BCKDHB: variants seen among roughly 807,000 people sequenced by gnomAD.
BCKDHB encodes 2-oxoisovalerate dehydrogenase subunit beta, mitochondrial.
A neutral mutation model predicts 48.5 loss-of-function variants in BCKDHB; 41 were observed. The observed-to-expected ratio is 0.85, with a 90% CI of 0.66 to 1.10. The LOEUF (loss-of-function observed/expected upper bound fraction) is 1.10. BCKDHB is among the 50% of genes least tolerant of loss of function. BCKDHB has a pLI of 0.00. For missense variants in BCKDHB, 496 were observed against 494.2 expected (o/e 1.00, Z -0.03); for synonymous variants, 201 against 174.8 (o/e 1.15, Z -1.18).
the BCKDHB span, among the ~76,000 whole-genome samples, chr6:80,407,092 G>A: frequency 3.3e-5 from 5 of 152,044 alleles, no homozygotes; most frequent in Non-Finnish European, 7.4e-5. Context: ...AGTTTTCCCA[G>A]TACCATTTAT....
chr6:80,407,231 C>A, the BCKDHB span, among the ~76,000 whole-genome samples: 2 of 152,176 alleles, frequency 1.3e-5, no homozygotes, highest in African/African-American at 4.8e-5. Context: ...GCTTCGATAA[C>A]AATACCATGC....
chr6:80,169,060 T>C (rs1264970659), intron 5 of BCKDHB, 30 bp downstream of exon 5: 1 of 1,607,216 alleles, frequency 6.2e-7, no homozygotes. Context: ...TTATTTGATT[T>C]CTATTTGATG....
intron 9 of BCKDHB, among the ~76,000 whole-genome samples, chr6:80,288,980 G>A (rs636361): frequency 0.8 from 121,345 of 151,988 alleles, 48,620 homozygotes; most frequent in Admixed American, 0.87. Flanking sequence ...AGGGGACAGA[G>A]CATATCTGTG....
At position 80,258,640 on chromosome 6, in the gene BCKDHB, C is replaced by T. The variant is rs116019900; in HGVS notation, c.952-14495C>T. 1.1e-3 allele frequency among the ~76,000 whole-genome samples: 166 copies of T among 152,228 alleles called. 2 individuals are homozygous for T. Among genetic ancestry groups the T allele is most frequent in the African/African-American group, 3.8e-3 (157 of 41,548 alleles). ...AGTGAGTACCTGCCTTTTCCCAGCC[C>T]CAGGTTGCTGATGTGGGGGCTAGTA... is the stretch of plus-strand genomic sequence containing the variant. On this transcript the variant is annotated intron_variant, in intron 8 of 9. Coordinates refer to ENST00000320393, the MANE Select transcript of BCKDHB (RefSeq NM_183050.4).
At chr6:80,217,275 G>A (rs117282815) in intron 8 of BCKDHB, among the ~76,000 whole-genome samples, 2,452 of 151,844 alleles carry the variant, frequency 0.016, 27 homozygotes, top group Non-Finnish European at 0.024. Context: ...AACAAAACTG[G>A]GGCTACTCTT....
At chr6:80,334,321 G>A (rs1769463398) in intron 9 of BCKDHB, among the ~76,000 whole-genome samples, 1 of 152,010 alleles carries the variant, frequency 6.6e-6, no homozygotes, top group Non-Finnish European at 1.5e-5. Flanking sequence ...ATAAATAATA[G>A]GGCAATTTCA....
the BCKDHB span, among the ~76,000 whole-genome samples, chr6:80,377,937 A>C: frequency 6.6e-6 from 1 of 152,186 alleles, no homozygotes; most frequent in Admixed American, 6.5e-5. Flanking sequence ...TACAATGTTA[A>C]GTCTTTAGAT....
chr6:80,350,197 A>T (rs1003490891), downstream of BCKDHB, among the ~76,000 whole-genome samples: 13 of 152,274 alleles, frequency 8.5e-5, no homozygotes, highest in South Asian at 2.3e-3. Flanking sequence ...TTAGAATATG[A>T]GATCACTGAT....
At chr6:80,379,222 A>G in the BCKDHB span, among the ~76,000 whole-genome samples, 1 of 152,128 alleles carries the variant, frequency 6.6e-6, no homozygotes, top group Admixed American at 6.5e-5. Flanking sequence ...CCAACAGAAC[A>G]TAAAAAAAAA....
intron 9 of BCKDHB, chr6:80,343,433 TAGATATATATAC>T: frequency 1.8e-6 from 1 of 558,552 alleles, no homozygotes; most frequent in Non-Finnish European, 3.2e-6. Context: ...GCTTAGACAA[TAGATATATATAC>T]AGGTATAAAA....
chr6:80,390,452 G>C, the BCKDHB span, among the ~76,000 whole-genome samples: 1 of 152,232 alleles, frequency 6.6e-6, no homozygotes, highest in Non-Finnish European at 1.5e-5. Context: ...AACTGTAGTT[G>C]TCATGAGTAT....
In BCKDHB at chr6:80,242,150, T is replaced by G. The variant is rs149501206; in HGVS notation, c.952-30985T>G. Among the ~76,000 whole-genome samples, 41 of 152,308 alleles carry G rather than the reference T, an allele frequency of 2.7e-4. No homozygotes were observed. The East Asian group carries it at 7.7e-3, about 29-fold the overall frequency. On this transcript the variant is annotated intron_variant, in intron 8 of 9. Coordinates refer to ENST00000320393, the MANE Select transcript of BCKDHB (RefSeq NM_183050.4). ...CTTATCACAAGATCATGAAGATATT[T>G]TAAAATATTTTGAATAGTTTTAAAG...
At chr6:80,383,825 A>T in the BCKDHB span, among the ~76,000 whole-genome samples, 1 of 152,198 alleles carries the variant, frequency 6.6e-6, no homozygotes, top group Admixed American at 6.5e-5. Context: ...TCTAAATACA[A>T]TATGGGTTTA....
At chr6:80,306,375 T>C (rs1767877306) in intron 9 of BCKDHB, among the ~76,000 whole-genome samples, 1 of 152,108 alleles carries the variant, frequency 6.6e-6, no homozygotes, top group South Asian at 2.1e-4. Flanking sequence ...TATTTTTCAA[T>C]GAACAGCATG....
chr6:80,255,426 T>C (rs140469633), intron 8 of BCKDHB, among the ~76,000 whole-genome samples: 50 of 152,294 alleles, frequency 3.3e-4, no homozygotes, highest in African/African-American at 1.1e-3. Context: ...TTTAAGACCA[T>C]TTTGATATTA....
intron 6 of BCKDHB, among the ~76,000 whole-genome samples, chr6:80,198,255 T>C (rs1774223988): frequency 6.6e-6 from 1 of 152,150 alleles, no homozygotes; most frequent in Admixed American, 6.6e-5. Context: ...CTTGCAGCTA[T>C]AGTTAGCCCA....
intron 1 of BCKDHB, among the ~76,000 whole-genome samples, chr6:80,127,024 G>T (rs760215368): frequency 6.6e-6 from 1 of 152,118 alleles, no homozygotes; most frequent in Non-Finnish European, 1.5e-5. Flanking sequence ...CAATAAGAAG[G>T]ACTAAATATG....
At chr6:80,175,613 A>G (rs1190856332) in intron 6 of BCKDHB, among the ~76,000 whole-genome samples, 1 of 152,200 alleles carries the variant, frequency 6.6e-6, no homozygotes, top group Non-Finnish European at 1.5e-5. Flanking sequence ...TTAAACGAAC[A>G]AGAACTGGAA....
At chr6:80,142,749 T>G (rs998924113) in intron 3 of BCKDHB, among the ~76,000 whole-genome samples, 1 of 152,264 alleles carries the variant, frequency 6.6e-6, no homozygotes, top group East Asian at 1.9e-4. Context: ...ATTTATCTTT[T>G]GTCAGAGTCA....
Sources: allele counts gnomAD v4.1 joint callset (sites outside exome capture counted in the v4.1 genomes callset), GRCh38; gene constraint gnomAD v4.1.1; transcripts MANE v1.5; gene names NCBI Gene and HGNC (gene_info 2026-07-23, HGNC 2026-07-21).